ENPP6: variants seen among roughly 807,000 people sequenced by gnomAD.
ENPP6 encodes ectonucleotide pyrophosphatase/phosphodiesterase 6.
In ENPP6, 32 loss-of-function variants were observed where a neutral mutation model predicts 42.0. The ratio of observed to expected loss-of-function variants is 0.76; its 90% confidence interval spans 0.58 to 1.02. The LOEUF is 1.02. ENPP6 is among the 50% of genes least tolerant of loss of function. ENPP6 has a pLI of 0.00. For missense variants in ENPP6, 552 were observed against 566.8 expected, an observed-to-expected ratio of 0.97 and a Z score of 0.27; for synonymous variants, 213 against 216.0, an observed-to-expected ratio of 0.99 and a Z score of 0.12.
At chr4:184,126,680 T>G (rs1303376928) in intron 2 of ENPP6, among the ~76,000 whole-genome samples, 2 of 152,216 alleles carry the variant, frequency 1.3e-5, no homozygotes, top group Non-Finnish European at 2.9e-5. Context: ...CCCAAGAAGT[T>G]GGCAGCATGA....
chr4:184,161,213 T>C (rs959156767), intron 1 of ENPP6, among the ~76,000 whole-genome samples: 1 of 151,610 alleles, frequency 6.6e-6, no homozygotes, highest in African/African-American at 2.4e-5. Flanking sequence ...AAAAATCCCA[T>C]GAAAAACTGG....
At position 184,205,718 on chromosome 4, in the gene ENPP6, G is replaced by C. The variant is rs139317614; in HGVS notation, c.241+11861C>G. 8.0e-3 allele frequency among the ~76,000 whole-genome samples: 1,082 copies of C among 135,274 alleles called. 12 individuals carry two copies. The highest frequency in any genetic ancestry group is 0.028 in the African/African-American group (1,026 of 36,222). 88.7% of individuals were successfully genotyped at this position (135,274 alleles called of 152,430 possible). ...GGCAGCGAGAGGGAGCTGGAGTAGA[G>C]GAGGCTCCAGGCAGTCAGGGTGGTG... On this transcript the variant is annotated intron_variant, in intron 1 of 7. Transcript: ENST00000296741.
chr4:184,097,510 G>T, intron 6 of ENPP6, 142 bp from the exon 7 acceptor site: 1 of 1,217,684 alleles, frequency 8.2e-7, no homozygotes, highest in Non-Finnish European at 1.1e-6. Flanking sequence ...CCTCCGCTGC[G>T]GCACTTCCTG....
intron 2 of ENPP6, among the ~76,000 whole-genome samples, chr4:184,125,447 G>A (rs1736488045): frequency 6.6e-6 from 1 of 152,144 alleles, no homozygotes. Flanking sequence ...TTGTAGCCCA[G>A]GGAAAATGAT....
At chr4:184,185,897 A>T (rs1275670056) in intron 1 of ENPP6, among the ~76,000 whole-genome samples, 1 of 152,234 alleles carries the variant, frequency 6.6e-6, no homozygotes, top group Non-Finnish European at 1.5e-5. Context: ...TATGGAAAAT[A>T]GTCTAATTAG....
chr4:184,180,344 T>C (rs1237337756), intron 1 of ENPP6, among the ~76,000 whole-genome samples: 2 of 152,114 alleles, frequency 1.3e-5, no homozygotes, highest in Non-Finnish European at 2.9e-5. Context: ...CATTAAAAAG[T>C]TCTGAAATTG....
At chr4:184,201,591 A>G (rs763829350) in intron 1 of ENPP6, among the ~76,000 whole-genome samples, 39 of 152,216 alleles carry the variant, frequency 2.6e-4, no homozygotes, top group Non-Finnish European at 4.9e-4. Flanking sequence ...GCTGAATGCC[A>G]TATAATCAGA....
At chr4:184,112,845 C>T (rs563694602) in intron 5 of ENPP6, 36 bp from the exon 6 acceptor site, 1 of 1,578,306 alleles carries the variant, frequency 6.3e-7, no homozygotes, top group East Asian at 2.3e-5. Flanking sequence ...GTTTGACACT[C>T]TCTTAAATAT....
intron 1 of ENPP6, among the ~76,000 whole-genome samples, chr4:184,215,365 T>A (rs1733180439): frequency 6.6e-6 from 1 of 152,244 alleles, no homozygotes; most frequent in South Asian, 2.1e-4. Flanking sequence ...TATGTTTAGC[T>A]ACAATTCCCA....
intron 1 of ENPP6, among the ~76,000 whole-genome samples, chr4:184,159,839 C>T (rs1390372645): frequency 1.3e-5 from 2 of 152,154 alleles, no homozygotes; most frequent in African/African-American, 4.8e-5. Flanking sequence ...AAGTCCATTA[C>T]ATCATTCTTA....
chr4:184,164,451 A>G (rs1378483773), intron 1 of ENPP6, among the ~76,000 whole-genome samples: 2 of 152,182 alleles, frequency 1.3e-5, no homozygotes, highest in Middle Eastern at 3.2e-3. Context: ...CTAATCCCAC[A>G]TTTCTGGTGT....
chr4:184,141,787 T>C (rs924592720), intron 2 of ENPP6, among the ~76,000 whole-genome samples: 5 of 152,190 alleles, frequency 3.3e-5, no homozygotes, highest in African/African-American at 1.2e-4. Context: ...ATAATGATGA[T>C]GATAAGGTAT....
At chr4:184,097,919 CT>C (rs34043055) in intron 6 of ENPP6, among the ~76,000 whole-genome samples, 27,989 of 152,086 alleles carry the variant, frequency 0.18, 2,883 homozygotes, top group African/African-American at 0.29. Context: ...GAGCTGGAGA[CT>C]TGAGTCCAAT....
At chr4:184,175,827 C>T (rs1737552429) in intron 1 of ENPP6, among the ~76,000 whole-genome samples, 1 of 152,184 alleles carries the variant, frequency 6.6e-6, no homozygotes, top group African/African-American at 2.4e-5. Context: ...GAACCATCAC[C>T]CCACATAACG....
intron 2 of ENPP6, among the ~76,000 whole-genome samples, chr4:184,134,742 C>T (rs185028642): frequency 1.3e-5 from 2 of 151,316 alleles, no homozygotes; most frequent in Admixed American, 1.3e-4. Flanking sequence ...CATTTCTGCT[C>T]ATCATGATTT....
At chr4:184,202,440 G>A (rs763857166) in intron 1 of ENPP6, among the ~76,000 whole-genome samples, 2 of 152,106 alleles carry the variant, frequency 1.3e-5, no homozygotes, top group Non-Finnish European at 2.9e-5. Flanking sequence ...GAGGGGAGGA[G>A]GAGCCTGTTG....
chr4:184,102,707 G>A (rs1736026688), intron 6 of ENPP6, among the ~76,000 whole-genome samples: 3 of 152,184 alleles, frequency 2.0e-5, no homozygotes, highest in Non-Finnish European at 4.4e-5. Flanking sequence ...GCTCTGCCTG[G>A]TGCTGCCCCT....
At chr4:184,133,127 C>A (rs1489373942) in intron 2 of ENPP6, among the ~76,000 whole-genome samples, 1 of 150,436 alleles carries the variant, frequency 6.6e-6, no homozygotes, top group African/African-American at 2.4e-5. Flanking sequence ...CTGGAGTCTG[C>A]ACTTCATATA....
At chr4:184,157,470 CCTTTCCTTT>C (rs778945926) in intron 1 of ENPP6, among the ~76,000 whole-genome samples, 1 of 147,962 alleles carries the variant, frequency 6.8e-6, no homozygotes, top group Non-Finnish European at 1.5e-5. Flanking sequence ...TTCTTTCCTT[CCTTTCCTTT>C]CTTTCCTTCC....
Sources: allele counts gnomAD v4.1 joint callset (sites outside exome capture counted in the v4.1 genomes callset), GRCh38; gene constraint gnomAD v4.1.1; transcripts MANE v1.5; gene names NCBI Gene and HGNC (gene_info 2026-07-23, HGNC 2026-07-21).